NEK10: variants seen among roughly 807,000 people sequenced by gnomAD.
NEK10 encodes NIMA related kinase 10, also known as serine/threonine-protein kinase Nek10.
In NEK10, 122 loss-of-function variants were observed where a neutral mutation model predicts 159.8. The observed-to-expected ratio is 0.76, with a 90% CI of 0.66 to 0.89. The LOEUF is 0.89. Ranked by LOEUF, NEK10 falls within the 40% of genes least tolerant of loss-of-function variation. The pLI is 0.00. For missense variants in NEK10, 1,342 were observed against 1,323.1 expected (o/e 1.01, Z -0.22); for synonymous variants, 466 against 457.1 (o/e 1.02, Z -0.25).
At chr3:27,328,990 A>T (rs1477003851) in intron 5 of NEK10, among the ~76,000 whole-genome samples, 1 of 152,212 alleles carries the variant, frequency 6.6e-6, no homozygotes, top group Non-Finnish European at 1.5e-5. Flanking sequence ...AAGGAGAGTG[A>T]TATGGATTGG....
At chr3:27,149,844 T>C (rs970238778) in intron 30 of NEK10, among the ~76,000 whole-genome samples, 1 of 152,244 alleles carries the variant, frequency 6.6e-6, no homozygotes, top group Non-Finnish European at 1.5e-5. Flanking sequence ...AAAGCCAAGA[T>C]ACCAGAAAGC....
At chr3:27,235,552 C>G (rs2197435) in intron 23 of NEK10, among the ~76,000 whole-genome samples, 39,124 of 151,942 alleles carry the variant, frequency 0.26, 5,191 homozygotes, top group Middle Eastern at 0.38. Context: ...AAATCAAAAC[C>G]CCAATGAGAT....
chr3:27,112,085 T>C, intron 35 of NEK10, among the ~76,000 whole-genome samples: 1 of 152,216 alleles, frequency 6.6e-6, no homozygotes, highest in Admixed American at 6.5e-5. Context: ...AGGTCCTTGC[T>C]GCTCTTTCTG....
chr3:27,288,546 G>C (rs1039609851), intron 19 of NEK10, among the ~76,000 whole-genome samples: 1 of 152,066 alleles, frequency 6.6e-6, no homozygotes, highest in Non-Finnish European at 1.5e-5. Flanking sequence ...TCCAGTCCTC[G>C]AATTCAGAGT....
intron 35 of NEK10, among the ~76,000 whole-genome samples, chr3:27,111,720 A>G (rs1939573245): frequency 6.6e-6 from 1 of 152,220 alleles, no homozygotes; most frequent in Non-Finnish European, 1.5e-5. Context: ...ACATTTTATT[A>G]TTAAAAATAA....
Position 27,192,374 on chromosome 3 carries a change from G to C in NEK10, c.2292-132C>G, listed in dbSNP as rs561820811. The C allele has an allele frequency of 8.6e-5, 57 of 666,260 alleles. No individual in the cohort carries two copies. In the South Asian group the frequency reaches 1.0e-3, roughly 12 times the overall value. The allele number at this position is 666,260 out of a possible 1,614,324, so 41.3% of individuals were successfully genotyped here. On this transcript the variant is annotated intron_variant, in intron 25 of 35. Transcript: ENST00000691995. ...CACCTAAGATAACCTGGGATAAGAT[G>C]GATATCAAGCACAGCTTTGAGTCCA...
At chr3:27,258,872 C>T (rs1390477070) in intron 22 of NEK10, among the ~76,000 whole-genome samples, 1 of 152,172 alleles carries the variant, frequency 6.6e-6, no homozygotes, top group Non-Finnish European at 1.5e-5. Context: ...ACATCCTCTC[C>T]AGCACCTGTT....
intron 26 of NEK10, among the ~76,000 whole-genome samples, chr3:27,185,502 G>A (rs1015189520): frequency 2.0e-5 from 3 of 152,174 alleles, no homozygotes; most frequent in African/African-American, 7.2e-5. Flanking sequence ...TCTGAGATGA[G>A]GAAGAGATTC....
chr3:27,296,830 T>C (rs17317379), intron 14 of NEK10, among the ~76,000 whole-genome samples: 3,256 of 152,310 alleles, frequency 0.021, 39 homozygotes, highest in Non-Finnish European at 0.034. Context: ...ATCTGATGCA[T>C]AGTCTTAATC....
At chr3:27,273,281 G>T (rs756161321) in intron 22 of NEK10, among the ~76,000 whole-genome samples, 1 of 152,106 alleles carries the variant, frequency 6.6e-6, no homozygotes, top group Non-Finnish European at 1.5e-5. Flanking sequence ...TCCTTGTACA[G>T]CACTTGACCA....
At position 27,174,531 on chromosome 3, in the gene NEK10, C is replaced by T. The variant is rs766702074; in HGVS notation, c.2690-6G>A. 3.3e-5 allele frequency: 53 copies of T among 1,605,320 alleles called. No individual in the cohort carries two copies. The highest frequency in any genetic ancestry group is 5.6e-5 in the South Asian group (5 of 89,744). On this transcript the variant is annotated splice_region_variant and splice_polypyrimidine_tract_variant and intron_variant, in intron 27 of 35. Transcript: ENST00000691995. The stretch of plus-strand genomic sequence containing the variant: ...ATCTACCTCTGAATATGTATCTGCA[C>T]ATTAATAAAAACAATAAAAAAGCAA...
intron 5 of NEK10, among the ~76,000 whole-genome samples, chr3:27,326,704 A>G (rs1427304922): frequency 1.3e-5 from 2 of 152,148 alleles, no homozygotes; most frequent in Non-Finnish European, 2.9e-5. Context: ...TTGTTTTGCA[A>G]TTTGGGAACT....
chr3:27,312,340 G>T (rs189363734), intron 7 of NEK10, among the ~76,000 whole-genome samples, 163 bp from the exon 8 acceptor site: 115 of 152,292 alleles, frequency 7.6e-4, no homozygotes, highest in Non-Finnish European at 1.4e-3. Flanking sequence ...AGTGCAAAAG[G>T]TGACTGGGTT....
Position 27,291,337 on chromosome 3 carries a change from T to C in NEK10, c.1530A>G (p.Lys510=), listed in dbSNP as rs2149490909. 1 of 1,612,964 alleles carries C rather than the reference T, an allele frequency of 6.2e-7. No individual in the cohort carries two copies. The highest frequency in any genetic ancestry group is 1.3e-5 in the African/African-American group (1 of 75,040). The change falls in exon 18 of 36, where the codon AAA becomes AAG. Residue 510 remains lysine (K), a synonymous_variant. Transcript: ENST00000691995. ...AGTTGCCTATATATTTCAAAGGAGC[T>C]TTGTTCTGATTAATGCTTTCAATAT... ...AENIESINQN[K]APLKYIGNYA...
intron 23 of NEK10, among the ~76,000 whole-genome samples, chr3:27,212,408 A>G (rs1294988889): frequency 6.6e-6 from 1 of 152,222 alleles, no homozygotes; most frequent in African/African-American, 2.4e-5. Context: ...GAACAAAAGA[A>G]ATGTATTCCT....
At position 27,322,156 on chromosome 3, in the gene NEK10, AAT is replaced by A; in HGVS notation, c.447+19_447+20del. On this transcript the variant is annotated intron_variant, in intron 6 of 35. Transcript: ENST00000691995. ...CAACTTTATAACAAGTAAAAAAAAA[AAT>A]TGTATTTTTCCAACCAACCTGATAA... is the stretch of plus-strand genomic sequence containing the variant. 1 of 1,343,658 alleles carries A rather than the reference AAT, an allele frequency of 7.4e-7. No individual in the cohort carries two copies. Among genetic ancestry groups the A allele is most frequent in the Non-Finnish European group, 1.0e-6 (1 of 971,030 alleles). 83.2% of individuals were successfully genotyped at this position (1,343,658 alleles called of 1,614,324 possible). A position where few individuals can be genotyped will look rare whatever the true frequency, so the allele number is the denominator to read the frequency against.
chr3:27,120,389 T>C (rs6798730), intron 32 of NEK10, among the ~76,000 whole-genome samples: 28,276 of 151,460 alleles, frequency 0.19, 2,717 homozygotes, highest in African/African-American at 0.22. Context: ...AGTGGCACAA[T>C]CTCGGCTCAC....
intron 6 of NEK10, among the ~76,000 whole-genome samples, chr3:27,316,462 A>G (rs1035226461): frequency 6.6e-6 from 1 of 152,138 alleles, no homozygotes; most frequent in Non-Finnish European, 1.5e-5. Flanking sequence ...AGAGGACTCT[A>G]TTTTGGACAT....
At chr3:27,133,988 C>A (rs145786568) in intron 31 of NEK10, among the ~76,000 whole-genome samples, 1 of 151,634 alleles carries the variant, frequency 6.6e-6, no homozygotes, top group East Asian at 1.9e-4. Flanking sequence ...CGGCTCCCAG[C>A]AAATAGTCAT....
Sources: allele counts gnomAD v4.1 joint callset (sites outside exome capture counted in the v4.1 genomes callset), GRCh38; gene constraint gnomAD v4.1.1; transcripts MANE v1.5; gene names NCBI Gene and HGNC (gene_info 2026-07-23, HGNC 2026-07-21).